The following CYP4Z1 variants were observed in gnomAD, a reference collection of about 807,000 sequenced individuals.
CYP4Z1 encodes the protein cytochrome P450 family 4 subfamily Z member 1.
Under a neutral mutation model 54.2 loss-of-function variants are expected in CYP4Z1, and 41 were observed. That is an observed-to-expected ratio of 0.76 (90% CI 0.59 to 0.98). CYP4Z1 has a LOEUF of 0.98. Ranked by LOEUF, CYP4Z1 falls within the 50% of genes least tolerant of loss-of-function variation. The pLI is 0.00. For missense variants in CYP4Z1, 513 were observed against 599.0 expected (o/e 0.86, Z 1.50); for synonymous variants, 163 against 206.2 (o/e 0.79, Z 1.79).
intron 6 of CYP4Z1, among the ~76,000 whole-genome samples, chr1:47,089,400 A>G (rs1396622145): frequency 1.3e-5 from 2 of 152,004 alleles, no homozygotes; most frequent in African/African-American, 2.4e-5. Context: ...TATTACAGCA[A>G]TTAGAATTTT....
chr1:47,082,774 C>T, intron 4 of CYP4Z1, among the ~76,000 whole-genome samples: 1 of 143,580 alleles, frequency 7.0e-6, no homozygotes, highest in South Asian at 2.3e-4. Context: ...AGTAGCCATG[C>T]CAACATAGAG....
intron 2 of CYP4Z1, among the ~76,000 whole-genome samples, chr1:47,078,884 T>C (rs1337143199): frequency 2.0e-5 from 3 of 149,988 alleles, no homozygotes; most frequent in Non-Finnish European, 3.0e-5. Context: ...TATGTGTAGG[T>C]TCCCTGTTAT....
At chr1:47,078,959 T>A (rs397833353) in intron 2 of CYP4Z1, among the ~76,000 whole-genome samples, 134 of 152,012 alleles carry the variant, frequency 8.8e-4, no homozygotes, top group Admixed American at 1.5e-3. Context: ...TTCCTTCTAG[T>A]TTTTGGTGTG....
chr1:47,116,720 C>T lies in CYP4Z1; in HGVS notation c.1337C>T (p.Ser446Leu), dbSNP rs1474044051. The change falls in exon 11 of 12, where the codon TCA (serine) becomes TTA (leucine). Residue 446 changes from serine to leucine, a missense_variant. Coordinates refer to ENST00000334194, the MANE Select transcript of CYP4Z1 (RefSeq NM_178134.3). ...KIHPYAFIPF[S>L]AGLRNCIGQH... ...CATCCCTATGCCTTCATACCATTCT[C>T]AGCTGGATTAAGGTAAAGACTCAAG... is the stretch of plus-strand genomic sequence containing the variant. 1.9e-6 allele frequency: 3 copies of T among 1,609,006 alleles called. No homozygotes were observed. In the African/African-American group the frequency reaches 4.0e-5, roughly 22 times the overall value.
chr1:47,113,129 A>G (rs754434018), intron 9 of CYP4Z1, among the ~76,000 whole-genome samples: 3 of 152,182 alleles, frequency 2.0e-5, no homozygotes, highest in Non-Finnish European at 4.4e-5. Flanking sequence ...CAACCTCCAC[A>G]GGCTGATCTA....
the CYP4Z1 span, among the ~76,000 whole-genome samples, chr1:47,057,416 G>C: frequency 1.5e-5 from 2 of 130,370 alleles, no homozygotes; most frequent in African/African-American, 5.7e-5. Context: ...CTCTTTTGGA[G>C]ACTTCAACTA....
chr1:47,061,867 G>A, the CYP4Z1 span, among the ~76,000 whole-genome samples: 1 of 152,144 alleles, frequency 6.6e-6, no homozygotes, highest in Non-Finnish European at 1.5e-5. Context: ...AGGGTGCAAG[G>A]TTTGTTCAAC....
intron 2 of CYP4Z1, among the ~76,000 whole-genome samples, chr1:47,073,846 GT>G (rs202152085): frequency 1.3e-5 from 2 of 152,292 alleles, no homozygotes; most frequent in Admixed American, 1.3e-4. Context: ...TAGTACACAA[GT>G]TTTTTTATCA....
Position 47,106,228 on chromosome 1 carries a change from A to G in CYP4Z1, c.1168A>G (p.Ile390Val). The G allele has an allele frequency of 8.1e-6, 13 of 1,612,954 alleles. No homozygotes were observed. The highest frequency in any genetic ancestry group is 1.1e-5 in the Non-Finnish European group (13 of 1,179,772). Reference protein sequence around the residue: ...VNISRLLDKPITFPDGRSLPA... With the variant: ...VNISRLLDKPVTFPDGRSLPA... ...CATATCCCGGTTACTCGACAAACCC[A>G]TCACCTTTCCAGATGGACGCTCCTT... The change falls in exon 9 of 12, where the codon ATC becomes GTC. Residue 390 changes from isoleucine (I) to valine (V), a missense_variant. Coordinates refer to ENST00000334194, the MANE Select transcript of CYP4Z1 (RefSeq NM_178134.3).
intron 7 of CYP4Z1, among the ~76,000 whole-genome samples, chr1:47,095,523 G>T (rs1644671006): frequency 6.6e-6 from 1 of 152,152 alleles, no homozygotes; most frequent in South Asian, 2.1e-4. Context: ...GATTATATGT[G>T]TAAAGATACT....
chr1:47,095,743 T>TAACA (rs1483893338), intron 7 of CYP4Z1, among the ~76,000 whole-genome samples: 3 of 152,140 alleles, frequency 2.0e-5, no homozygotes, highest in Non-Finnish European at 4.4e-5. Flanking sequence ...TACCTAAAAC[T>TAACA]AACAAAGCCA....
chr1:47,068,901 C>T, intron 2 of CYP4Z1, 138 bp downstream of exon 2: 1 of 1,137,442 alleles, frequency 8.8e-7, no homozygotes, highest in Non-Finnish European at 1.2e-6. Context: ...GATTCCATGT[C>T]CTCCTCAACA....
At chr1:47,096,558 A>T (rs865888206) in intron 7 of CYP4Z1, 8 of 151,870 alleles carry the variant, frequency 5.3e-5, no homozygotes, top group African/African-American at 1.7e-4. Flanking sequence ...ATAGGTAAAC[A>T]TGTGCCATAG....
At chr1:47,107,801 C>T (rs1312925489) in intron 9 of CYP4Z1, among the ~76,000 whole-genome samples, 1 of 152,124 alleles carries the variant, frequency 6.6e-6, no homozygotes, top group Non-Finnish European at 1.5e-5. Flanking sequence ...AATCAGCATG[C>T]CTTCTAATTT....
At chr1:47,115,875 G>A (rs1183258732) in intron 10 of CYP4Z1, among the ~76,000 whole-genome samples, 1 of 152,190 alleles carries the variant, frequency 6.6e-6, no homozygotes, top group Non-Finnish European at 1.5e-5. Context: ...CTTGCTCTCT[G>A]CTTTCATTCA....
rs757912181 is a variant in CYP4Z1, at chr1:47,084,972, T to C, written c.766T>C (p.Phe256Leu). The C allele has an allele frequency of 7.3e-7, 1 of 1,363,006 alleles. No individual in the cohort carries two copies. The highest frequency in any genetic ancestry group is 2.1e-5 in the Admixed American group (1 of 47,676). 84.4% of individuals were successfully genotyped at this position (1,363,006 alleles called of 1,614,324 possible). ...FSKFNQELHQFTEKVIQDRKE... is the reference protein window; with the variant it reads ...FSKFNQELHQLTEKVIQDRKE... Reference sequence around the variant, plus strand: ...TAAATTTAACCAAGAACTTCATCAGTTCACAGGTTAGTCCTGGGATTTACA... The same window carrying C: ...TAAATTTAACCAAGAACTTCATCAGCTCACAGGTTAGTCCTGGGATTTACA... Residue 256 changes from phenylalanine (F) to leucine (L), a missense_variant, in exon 6 of 12, where the codon TTC (phenylalanine) becomes CTC (leucine). Physicochemically the swap from Phe to Leu is conservative, Grantham distance 22. Coordinates refer to ENST00000334194, the MANE Select transcript of CYP4Z1 (RefSeq NM_178134.3).
rs1322715410 is a variant in CYP4Z1, at chr1:47,106,260, A to G, written c.1200A>G (p.Ala400=). 12 of 1,580,138 alleles carry G rather than the reference A, an allele frequency of 7.6e-6. No homozygotes were observed. Among genetic ancestry groups the G allele is most frequent in the Admixed American group, 1.9e-5 (1 of 52,468 alleles). The change falls in exon 9 of 12, where the codon GCA becomes GCG. Residue 400 remains alanine (A), a splice_region_variant and synonymous_variant. Transcript: ENST00000334194. ...TTCCAGATGGACGCTCCTTACCTGC[A>G]GGTCTTAAAACTTTTTTTTTTTTTT... ...ITFPDGRSLP[A]GITVFINIWA...
At chr1:47,116,561 T>C (rs967643204) in intron 10 of CYP4Z1, 89 bp from the exon 11 acceptor site, 46 of 809,232 alleles carry the variant, frequency 5.7e-5, no homozygotes, top group Non-Finnish European at 8.9e-5. Context: ...CTGTTAACAA[T>C]ATCTATGGAT....
At chr1:47,069,132 TG>T (rs1644473878) in intron 2 of CYP4Z1, among the ~76,000 whole-genome samples, 2 of 152,254 alleles carry the variant, frequency 1.3e-5, no homozygotes, top group Non-Finnish European at 2.9e-5. Context: ...TGCACAGAGA[TG>T]AGTGTTCCCC....
Sources: gnomAD v4.1 joint callset for allele counts (sites outside exome capture counted in the v4.1 genomes callset) on GRCh38, gnomAD v4.1.1 for gene constraint, MANE v1.5 for transcripts, NCBI Gene and HGNC (gene_info 2026-07-23, HGNC 2026-07-21) for gene names.